L3MBTL4: variants seen among roughly 807,000 people sequenced by gnomAD.
The protein encoded by L3MBTL4 is lethal(3)malignant brain tumor-like protein 4.
In L3MBTL4, 70 loss-of-function variants were observed where a neutral mutation model predicts 84.5. The ratio of observed to expected loss-of-function variants is 0.83; its 90% CI spans 0.68 to 1.01. L3MBTL4 has a LOEUF of 1.01. Among genes scored for constraint, L3MBTL4 ranks in the 50% least tolerant of loss-of-function variants. L3MBTL4 has a pLI of 0.00. For missense variants in L3MBTL4, 715 were observed against 754.8 expected, an observed-to-expected ratio of 0.95 and a Z score of 0.62; for synonymous variants, 274 against 259.8, an observed-to-expected ratio of 1.05 and a Z score of -0.52.
chr18:6,173,749 C>A (rs2044090519), intron 12 of L3MBTL4, among the ~76,000 whole-genome samples: 1 of 152,152 alleles, frequency 6.6e-6, no homozygotes, highest in Non-Finnish European at 1.5e-5. Flanking sequence ...CACTGCACTG[C>A]AGCCTGGACG....
At chr18:6,309,661 T>C (rs1189641630) in intron 3 of L3MBTL4, among the ~76,000 whole-genome samples, 1 of 152,198 alleles carries the variant, frequency 6.6e-6, no homozygotes, top group Non-Finnish European at 1.5e-5. Context: ...CACATCAGGA[T>C]TAAGTTAGAA....
chr18:6,222,602 G>T (rs150524620), intron 10 of L3MBTL4, among the ~76,000 whole-genome samples: 320 of 152,142 alleles, frequency 2.1e-3, no homozygotes, highest in African/African-American at 7.3e-3. Flanking sequence ...AAAATAAAAA[G>T]CTAGGGTTGT....
intron 16 of L3MBTL4, among the ~76,000 whole-genome samples, chr18:6,022,191 A>C (rs11660768): frequency 2.0e-5 from 3 of 152,116 alleles, no homozygotes; most frequent in African/African-American, 7.2e-5. Context: ...CACCATATTC[A>C]CCATATGCTC....
At chr18:6,144,776 C>T (rs571139980) in intron 13 of L3MBTL4, among the ~76,000 whole-genome samples, 51 of 152,232 alleles carry the variant, frequency 3.4e-4, no homozygotes, top group African/African-American at 1.2e-3. Context: ...GTTAAAAGGG[C>T]GAAGATGAGA....
chr18:6,131,733 G>A (rs2059882275), intron 14 of L3MBTL4, among the ~76,000 whole-genome samples: 1 of 152,120 alleles, frequency 6.6e-6, no homozygotes, highest in Admixed American at 6.5e-5. Flanking sequence ...TTTCTAGCAG[G>A]CATGCATGTG....
intron 1 of L3MBTL4, chr18:6,374,574 C>T (rs1042032907): frequency 6.5e-6 from 1 of 154,716 alleles, no homozygotes; most frequent in Non-Finnish European, 1.5e-5. Flanking sequence ...ATGACCTCTT[C>T]CATGATTACA....
chr18:6,127,185 T>C (rs1448389974), intron 14 of L3MBTL4, among the ~76,000 whole-genome samples: 1 of 152,258 alleles, frequency 6.6e-6, no homozygotes, highest in Non-Finnish European at 1.5e-5. Flanking sequence ...TTTTACTTTC[T>C]ATATCAAGCT....
intron 18 of L3MBTL4, among the ~76,000 whole-genome samples, chr18:5,959,061 A>T (rs192010159): frequency 2.3e-4 from 35 of 152,268 alleles, no homozygotes; most frequent in Admixed American, 1.4e-3. Flanking sequence ...AGGCTATCTG[A>T]CCTTGATGCT....
intron 16 of L3MBTL4, among the ~76,000 whole-genome samples, chr18:5,994,302 C>T (rs527846235): frequency 8.5e-5 from 13 of 152,344 alleles, no homozygotes; most frequent in Admixed American, 7.8e-4. Flanking sequence ...GTCCGTCTCA[C>T]TTACTGCTAT....
At chr18:6,071,391 T>TAAA (rs769840156) in intron 16 of L3MBTL4, among the ~76,000 whole-genome samples, 3 of 129,906 alleles carry the variant, frequency 2.3e-5, no homozygotes, top group South Asian at 2.5e-4. Flanking sequence ...CTCTTTCAAT[T>TAAA]AAAAAAAAAA....
intron 1 of L3MBTL4, among the ~76,000 whole-genome samples, chr18:6,378,146 C>A (rs1452937118): frequency 6.6e-6 from 1 of 152,194 alleles, no homozygotes; most frequent in Admixed American, 6.5e-5. Context: ...ATATCCTTTG[C>A]CCACTTTTGG....
rs138926707 is a variant in L3MBTL4 at position 6,383,797 on chromosome 18, G to A, written c.-91+31004C>T. Among the ~76,000 whole-genome samples, 1,299 of 152,220 alleles carry A rather than the reference G, an allele frequency of 8.5e-3. 25 individuals carry two copies. Among genetic ancestry groups the A allele is most frequent in the African/African-American group, 0.029 (1,219 of 41,538 alleles). Reference sequence around the variant, plus strand: ...ATCCCTATTAAATCGTGTTTCCTAAGTTTTTTGCTTTGGTAAGTTTCTTGT... The same window carrying A: ...ATCCCTATTAAATCGTGTTTCCTAAATTTTTTGCTTTGGTAAGTTTCTTGT... On this transcript the variant is annotated intron_variant, in intron 1 of 18. Coordinates refer to ENST00000317931, the MANE Select transcript of L3MBTL4 (RefSeq NM_001330559.2).
intron 1 of L3MBTL4, among the ~76,000 whole-genome samples, chr18:6,343,445 C>T (rs2143563217): frequency 6.6e-6 from 1 of 152,188 alleles, no homozygotes; most frequent in South Asian, 2.1e-4. Flanking sequence ...GGGCAGATCA[C>T]AAGATCAGGA....
chr18:6,135,161 C>A (rs1394279533), intron 14 of L3MBTL4, among the ~76,000 whole-genome samples: 2 of 152,184 alleles, frequency 1.3e-5, no homozygotes, highest in Non-Finnish European at 1.5e-5. Flanking sequence ...TGGCCCCTTT[C>A]AGCCACAGCT....
chr18:6,196,214 G>A lies in L3MBTL4; in HGVS notation c.981+16935C>T, dbSNP rs181783361. On this transcript the variant is annotated intron_variant, in intron 12 of 18. Coordinates refer to ENST00000317931, the MANE Select transcript of L3MBTL4 (RefSeq NM_001330559.2). Reference sequence around the variant, plus strand: ...GCTCTGTTGCCCAGGCTGTACTGCAGTGGCATGATCTCAGCTCACTGCAAG... The same window carrying A: ...GCTCTGTTGCCCAGGCTGTACTGCAATGGCATGATCTCAGCTCACTGCAAG... Among the ~76,000 whole-genome samples the A allele has an allele frequency of 6.4e-3, 931 of 145,888 alleles. 13 individuals are homozygous for A. The highest frequency in any genetic ancestry group is 0.023 in the African/African-American group (872 of 38,022).
intron 4 of L3MBTL4, among the ~76,000 whole-genome samples, chr18:6,290,134 C>A (rs1423811571): frequency 3.9e-5 from 6 of 152,130 alleles, no homozygotes; most frequent in African/African-American, 1.4e-4. Context: ...GTTGCCCAGG[C>A]TGATCTCCTG....
intron 1 of L3MBTL4, chr18:6,396,747 C>A (rs2055289342): frequency 6.6e-6 from 1 of 152,236 alleles, no homozygotes; most frequent in African/African-American, 2.4e-5. Flanking sequence ...GTGTTTCTAA[C>A]AACTGACAAT....
intron 12 of L3MBTL4, among the ~76,000 whole-genome samples, chr18:6,209,687 A>G (rs8099180): frequency 0.054 from 8,188 of 152,272 alleles, 756 homozygotes; most frequent in African/African-American, 0.19. Context: ...ACACAAAAAC[A>G]TATGTAAATG....
chr18:5,985,448 G>T (rs184114164), intron 16 of L3MBTL4, among the ~76,000 whole-genome samples: 1 of 152,264 alleles, frequency 6.6e-6, no homozygotes, highest in East Asian at 1.9e-4. Context: ...CTCAGGCAGT[G>T]CTTACTACAT....
Sources: allele counts gnomAD v4.1 joint callset (sites outside exome capture counted in the v4.1 genomes callset), GRCh38; gene constraint gnomAD v4.1.1; transcripts MANE v1.5; gene names NCBI Gene and HGNC (gene_info 2026-07-23, HGNC 2026-07-21).